TAF4B: variants seen among roughly 807,000 people sequenced by gnomAD.
The protein encoded by TAF4B is TATA-box binding protein associated factor 4b, also known as transcription initiation factor TFIID subunit 4B.
TAF4B carries 38 observed loss-of-function variants against 86.4 expected under a neutral mutation model. The ratio of observed to expected loss-of-function variants is 0.44; its 90% CI spans 0.34 to 0.58. The LOEUF (loss-of-function observed/expected upper bound fraction) is 0.58, where lower values mean the gene tolerates loss of function less well. Ranked by LOEUF, TAF4B falls within the 20% of genes least tolerant of loss-of-function variation. The pLI, the probability that TAF4B is intolerant of heterozygous loss-of-function variation, is 0.02. For synonymous variants in TAF4B, 388 were observed against 391.2 expected (o/e 0.99, Z 0.10); for missense variants, 988 against 1,027.6 (o/e 0.96, Z 0.53).
chr18:26,238,105 C>T (rs896036963), intron 1 of TAF4B, among the ~76,000 whole-genome samples: 2 of 152,162 alleles, frequency 1.3e-5, no homozygotes, highest in South Asian at 2.1e-4. Flanking sequence ...GACGCATTCT[C>T]GAAAACCTGT....
intron 11 of TAF4B, among the ~76,000 whole-genome samples, chr18:26,322,030 T>G (rs2056967512): frequency 6.6e-6 from 1 of 152,054 alleles, no homozygotes; most frequent in Non-Finnish European, 1.5e-5. Flanking sequence ...ATTGGGTGAT[T>G]AGGGATGAAA....
chr18:26,271,645 C>T (rs1457941808), intron 3 of TAF4B, among the ~76,000 whole-genome samples: 3 of 152,132 alleles, frequency 2.0e-5, no homozygotes, highest in African/African-American at 7.2e-5. Context: ...CACTTTGGGC[C>T]AGGCATGGTG....
At chr18:26,300,122 C>T (rs539348411) in intron 9 of TAF4B, among the ~76,000 whole-genome samples, 42 of 152,126 alleles carry the variant, frequency 2.8e-4, no homozygotes, top group Middle Eastern at 6.8e-3. Context: ...GCTGGGACTA[C>T]AGGTGCGCAT....
intron 3 of TAF4B, among the ~76,000 whole-genome samples, chr18:26,268,460 AC>A (rs750280142): frequency 2.0e-5 from 3 of 152,124 alleles, no homozygotes. Flanking sequence ...CCCCTCAACT[AC>A]CAACTATACT....
In TAF4B at chr18:26,376,518, G is replaced by A. The variant is rs1263257602; in HGVS notation, c.2422-13327G>A. Among the ~76,000 whole-genome samples the A allele has an allele frequency of 4.3e-5, 5 of 117,492 alleles. No individual in the cohort carries two copies. In the Admixed American group the frequency reaches 4.6e-4, roughly 11 times the overall value. 77.1% of individuals were successfully genotyped at this position (117,492 alleles called of 152,430 possible). A position where few individuals can be genotyped will look rare whatever the true frequency, so the allele number is the denominator to read the frequency against. On this transcript the variant is annotated intron_variant, in intron 14 of 14. Coordinates refer to ENST00000269142, the MANE Select transcript of TAF4B (RefSeq NM_005640.3). The stretch of plus-strand genomic sequence containing the variant: ...GAACTACTATGTAGTTTTGTACATT[G>A]ATTTTTTTTTTTTTATCCTGCAGCC...
chr18:26,243,659 G>C (rs541974870), intron 1 of TAF4B, among the ~76,000 whole-genome samples: 1 of 152,274 alleles, frequency 6.6e-6, no homozygotes, highest in African/African-American at 2.4e-5. Context: ...AGGAGAAAAG[G>C]CGCTCTGAAT....
intron 13 of TAF4B, among the ~76,000 whole-genome samples, chr18:26,356,336 A>G (rs1361818613): frequency 2.0e-5 from 3 of 152,128 alleles, no homozygotes; most frequent in African/African-American, 7.2e-5. Context: ...AGGGATACAG[A>G]CGTTCAGAAC....
rs1336134572 is a variant in TAF4B at position 26,274,838 on chromosome 18, T to TGGA, written c.759+15_759+16insGAG. Reference sequence around the variant, plus strand: ...AATCTTTCTCCGGTAAGCTCTTACTTGCACCTTACATAAATCTTGTTCCTT... The same window carrying TGGA: ...AATCTTTCTCCGGTAAGCTCTTACTTGGAGCACCTTACATAAATCTTGTTCCTT... On this transcript the variant is annotated intron_variant, in intron 4 of 14. Coordinates refer to ENST00000269142, the MANE Select transcript of TAF4B (RefSeq NM_005640.3). 1 of 1,614,170 alleles carries TGGA rather than the reference T, an allele frequency of 6.2e-7. No individual in the cohort carries two copies.
intron 6 of TAF4B, among the ~76,000 whole-genome samples, chr18:26,285,007 A>C (rs957370466): frequency 3.5e-4 from 53 of 151,732 alleles, no homozygotes; most frequent in Non-Finnish European, 6.8e-4. Flanking sequence ...TTGCTCTGTC[A>C]CCCAGGCTGG....
intron 1 of TAF4B, among the ~76,000 whole-genome samples, chr18:26,231,234 G>T (rs1318153821): frequency 5.3e-5 from 8 of 150,728 alleles, no homozygotes. Flanking sequence ...GTAGAGATGA[G>T]GTTTCTCCAT....
chr18:26,249,973 T>A (rs2055981034), intron 1 of TAF4B, among the ~76,000 whole-genome samples: 1 of 152,202 alleles, frequency 6.6e-6, no homozygotes, highest in African/African-American at 2.4e-5. Context: ...TCCACCTGCC[T>A]TGGTCTCCCA....
At chr18:26,328,178 C>T (rs751558183) in intron 12 of TAF4B, among the ~76,000 whole-genome samples, 1 of 152,186 alleles carries the variant, frequency 6.6e-6, no homozygotes, top group Non-Finnish European at 1.5e-5. Context: ...AGGCCGGGCA[C>T]AGTGGCTCAT....
At chr18:26,256,402 G>A (rs1485880069) in intron 1 of TAF4B, 8 of 1,093,576 alleles carry the variant, frequency 7.3e-6, no homozygotes, top group Middle Eastern at 2.9e-4. Flanking sequence ...CGTTCCACGC[G>A]CAATAACGTC....
intron 14 of TAF4B, among the ~76,000 whole-genome samples, chr18:26,384,450 G>A (rs564642279): frequency 2.0e-5 from 3 of 152,144 alleles, no homozygotes; most frequent in East Asian, 3.8e-4. Flanking sequence ...CTGTCCACCC[G>A]TCACATGTCT....
intron 1 of TAF4B, among the ~76,000 whole-genome samples, chr18:26,259,158 T>C (rs945600529): frequency 6.6e-6 from 1 of 151,178 alleles, no homozygotes; most frequent in African/African-American, 2.4e-5. Flanking sequence ...AGCTTTCAGC[T>C]GTTATTTCTT....
At chr18:26,338,316 G>C (rs1284143159) in intron 13 of TAF4B, among the ~76,000 whole-genome samples, 1 of 151,742 alleles carries the variant, frequency 6.6e-6, no homozygotes, top group Non-Finnish European at 1.5e-5. Flanking sequence ...GAGTGTGGTG[G>C]TGCACACCTG....
chr18:26,247,305 A>G (rs1269442615), intron 1 of TAF4B, among the ~76,000 whole-genome samples: 2 of 152,196 alleles, frequency 1.3e-5, no homozygotes, highest in Non-Finnish European at 2.9e-5. Flanking sequence ...TGTGGAATAC[A>G]ATGTTGCACA....
In TAF4B at chr18:26,265,796, A is replaced by C. The variant is rs146655673; in HGVS notation, c.489+481A>C. Among the ~76,000 whole-genome samples, 699 of 152,276 alleles carry C rather than the reference A, an allele frequency of 4.6e-3. 7 individuals carry two copies. The highest frequency in any genetic ancestry group is 0.016 in the African/African-American group (675 of 41,558). On this transcript the variant is annotated intron_variant, in intron 2 of 14. Coordinates refer to ENST00000269142, the MANE Select transcript of TAF4B (RefSeq NM_005640.3). Reference sequence around the variant, plus strand: ...CTGGTCTTGAATTCTTGGGCTCATGACAGTCCTCTTAGCCTCCCAAAGTGC... The same window carrying C: ...CTGGTCTTGAATTCTTGGGCTCATGCCAGTCCTCTTAGCCTCCCAAAGTGC...
At chr18:26,236,326 G>A (rs536931487) in intron 1 of TAF4B, among the ~76,000 whole-genome samples, 1 of 152,256 alleles carries the variant, frequency 6.6e-6, no homozygotes, top group Middle Eastern at 3.4e-3. Context: ...CCTTGAGGAC[G>A]GCTGTCTGGG....
Sources: gnomAD v4.1 joint callset for allele counts (sites outside exome capture counted in the v4.1 genomes callset) on GRCh38, gnomAD v4.1.1 for gene constraint, MANE v1.5 for transcripts, NCBI Gene and HGNC (gene_info 2026-07-23, HGNC 2026-07-21) for gene names.